LSAMP: variants seen among roughly 807,000 people sequenced by gnomAD.
LSAMP encodes the protein limbic system-associated membrane protein.
A neutral mutation model predicts 38.6 loss-of-function variants in LSAMP; 7 were observed. The ratio of observed to expected loss-of-function variants is 0.18; its 90% CI spans 0.10 to 0.34. The LOEUF (loss-of-function observed/expected upper bound fraction) is 0.34, where lower values mean the gene tolerates loss of function less well. Ranked by LOEUF, LSAMP falls within the 10% of genes least tolerant of loss-of-function variation. LSAMP has a pLI of 1.00. For missense variants in LSAMP, 313 were observed against 420.0 expected, an observed-to-expected ratio of 0.75 and a Z score of 2.23; for synonymous variants, 154 against 166.8, an observed-to-expected ratio of 0.92 and a Z score of 0.59.
At chr3:116,429,883 T>G (rs2049257724) in intron 1 of LSAMP, among the ~76,000 whole-genome samples, 1 of 152,130 alleles carries the variant, frequency 6.6e-6, no homozygotes, top group Non-Finnish European at 1.5e-5. Flanking sequence ...GATATCATGG[T>G]TAATATAAGA....
chr3:116,433,682 T>C (rs1381253661), intron 1 of LSAMP, among the ~76,000 whole-genome samples: 4 of 152,158 alleles, frequency 2.6e-5, no homozygotes, highest in Admixed American at 1.3e-4. Context: ...TGGAGATGAA[T>C]ATACCTGTTG....
chr3:116,143,280 A>G (rs975948988), intron 1 of LSAMP, among the ~76,000 whole-genome samples: 2 of 151,870 alleles, frequency 1.3e-5, no homozygotes, highest in African/African-American at 4.8e-5. Context: ...TTCTAAAAAT[A>G]TCCATTTTAT....
At chr3:116,358,425 G>A (rs2048255069) in intron 1 of LSAMP, among the ~76,000 whole-genome samples, 1 of 152,040 alleles carries the variant, frequency 6.6e-6, no homozygotes, top group South Asian at 2.1e-4. Context: ...TAGATGCCTT[G>A]GGAACACTGC....
At chr3:116,349,162 A>G (rs764213121) in intron 1 of LSAMP, among the ~76,000 whole-genome samples, 29 of 152,200 alleles carry the variant, frequency 1.9e-4, no homozygotes, top group Non-Finnish European at 3.7e-4. Flanking sequence ...CACTAAAAGC[A>G]ATCAATAACA....
At chr3:116,154,036 T>A (rs896615271) in intron 1 of LSAMP, among the ~76,000 whole-genome samples, 1 of 152,092 alleles carries the variant, frequency 6.6e-6, no homozygotes, top group East Asian at 1.9e-4. Context: ...GTCTATGACA[T>A]AAGCAACATG....
chr3:115,939,587 T>TCTTTCTTTCTTTCTCTTTC (rs1553751094), intron 3 of LSAMP, among the ~76,000 whole-genome samples: 1 of 151,240 alleles, frequency 6.6e-6, no homozygotes. Context: ...TTTCTTTCTG[T>TCTTTCTTTCTTTCTCTTTC]TAAGAGACAG....
chr3:116,340,534 A>G (rs2047978627), intron 1 of LSAMP, among the ~76,000 whole-genome samples: 1 of 151,996 alleles, frequency 6.6e-6, no homozygotes, highest in African/African-American at 2.4e-5. Context: ...ATTTTATTGA[A>G]ATGCTTATTG....
intron 2 of LSAMP, among the ~76,000 whole-genome samples, chr3:116,081,234 C>G (rs1282307834): frequency 6.6e-6 from 1 of 152,076 alleles, no homozygotes; most frequent in East Asian, 1.9e-4. Context: ...GAGGCTGAGG[C>G]GGGTGGATCA....
chr3:116,444,787 G>C (rs2049482858), intron 1 of LSAMP, 90 bp downstream of exon 1: 2 of 1,202,226 alleles, frequency 1.7e-6, no homozygotes, highest in Admixed American at 2.0e-5. Flanking sequence ...AAGGAGATCA[G>C]ACACACACAC....
chr3:116,213,319 G>A (rs915538951), intron 1 of LSAMP, among the ~76,000 whole-genome samples: 1 of 152,174 alleles, frequency 6.6e-6, no homozygotes, highest in Non-Finnish European at 1.5e-5. Context: ...TTGTGATAGT[G>A]AATAAGTCTC....
intron 1 of LSAMP, among the ~76,000 whole-genome samples, chr3:116,095,352 A>G (rs1182533157): frequency 2.0e-5 from 3 of 152,220 alleles, no homozygotes; most frequent in Non-Finnish European, 2.9e-5. Context: ...TCTTACTATC[A>G]CTAAAGAACA....
At chr3:116,195,220 G>T (rs1162996060) in intron 1 of LSAMP, among the ~76,000 whole-genome samples, 2 of 152,076 alleles carry the variant, frequency 1.3e-5, no homozygotes, top group East Asian at 3.9e-4. Context: ...CTAGTCACTG[G>T]GTTACTCACT....
At chr3:116,246,285 C>A (rs2046604487) in intron 1 of LSAMP, among the ~76,000 whole-genome samples, 1 of 152,096 alleles carries the variant, frequency 6.6e-6, no homozygotes, top group African/African-American at 2.4e-5. Context: ...TGAATGCAAT[C>A]TTCTGAGGTA....
intron 1 of LSAMP, among the ~76,000 whole-genome samples, chr3:116,220,350 GACACACACACACACACAC>G (rs10575234): frequency 7.2e-5 from 10 of 138,592 alleles, no homozygotes; most frequent in South Asian, 2.4e-4. Flanking sequence ...ATTTGCATAT[GACACACACACACACACAC>G]ACACACACAC....
chr3:115,910,766 G>A (rs1210687070), intron 3 of LSAMP, among the ~76,000 whole-genome samples: 1 of 152,116 alleles, frequency 6.6e-6, no homozygotes, highest in Non-Finnish European at 1.5e-5. Context: ...GTCCTTTCAA[G>A]AGTATTATAT....
chr3:115,907,309 C>A lies in LSAMP; in HGVS notation c.515-54692G>T, dbSNP rs1332573339. ...CAATATGATGGCAGTAAAAGATGAG[C>A]CCTCTGGGAGGTGATTAGGTCATGA... On this transcript the variant is annotated intron_variant, in intron 3 of 6. Coordinates refer to ENST00000490035, the MANE Select transcript of LSAMP (RefSeq NM_002338.5). Among the ~76,000 whole-genome samples, 3 of 152,066 alleles carry A rather than the reference C, an allele frequency of 2.0e-5. No homozygotes were observed. In the East Asian group the frequency reaches 5.8e-4, roughly 29 times the overall value.
intron 3 of LSAMP, among the ~76,000 whole-genome samples, chr3:115,927,900 T>G (rs982977543): frequency 6.6e-6 from 1 of 152,214 alleles, no homozygotes; most frequent in Non-Finnish European, 1.5e-5. Context: ...ACCATTACTA[T>G]GCTCTACATT....
chr3:116,080,958 A>G (rs1420182864), intron 2 of LSAMP, among the ~76,000 whole-genome samples: 1 of 152,214 alleles, frequency 6.6e-6, no homozygotes, highest in African/African-American at 2.4e-5. Flanking sequence ...ACATGAGTTT[A>G]TTAAGAAAGG....
intron 1 of LSAMP, among the ~76,000 whole-genome samples, chr3:116,342,407 A>T (rs1394526597): frequency 1.3e-5 from 2 of 152,104 alleles, no homozygotes; most frequent in Non-Finnish European, 2.9e-5. Context: ...AGGAAAGAAA[A>T]TAGGGGATCT....
Sources: allele counts gnomAD v4.1 joint callset (sites outside exome capture counted in the v4.1 genomes callset), GRCh38; gene constraint gnomAD v4.1.1; transcripts MANE v1.5; gene names NCBI Gene and HGNC (gene_info 2026-07-23, HGNC 2026-07-21).